Variants in SHC1 observed in about 807,000 individuals in gnomAD.
The protein encoded by SHC1 is SHC adaptor protein 1, also known as SHC-transforming protein 1.
In SHC1, 30 loss-of-function variants were observed where a neutral mutation model predicts 55.9. The observed-to-expected ratio is 0.54, with a 90% CI of 0.40 to 0.73. SHC1 has a LOEUF of 0.73. Ranked by LOEUF, SHC1 falls within the 30% of genes least tolerant of loss-of-function variation. The pLI is 0.00. For missense variants in SHC1, 675 were observed against 777.1 expected, an observed-to-expected ratio of 0.87 and a Z score of 1.56; for synonymous variants, 309 against 306.1, an observed-to-expected ratio of 1.01 and a Z score of -0.10.
upstream of SHC1, among the ~76,000 whole-genome samples, chr1:154,972,881 A>G (rs763322287): frequency 9.2e-5 from 14 of 151,988 alleles, no homozygotes; most frequent in Middle Eastern, 3.2e-3. Context: ...GGGGGAGGGG[A>G]AGAGACAGAG....
upstream of SHC1, among the ~76,000 whole-genome samples, chr1:154,972,871 G>A (rs552529351): frequency 6.6e-6 from 1 of 152,088 alleles, no homozygotes; most frequent in South Asian, 2.1e-4. Flanking sequence ...ACTCTGGTTA[G>A]GGGGAGGGGA....
chr1:154,969,629 G>T (rs1048577172), intron 1 of SHC1, among the ~76,000 whole-genome samples, 181 bp from the exon 2 acceptor site: 10 of 152,224 alleles, frequency 6.6e-5, no homozygotes, highest in Admixed American at 2.0e-4. Flanking sequence ...AGGAGAAAAA[G>T]AAAAGGCAGG....
intron 11 of SHC1, chr1:154,964,356 C>G (rs550644251): frequency 9.0e-6 from 4 of 444,152 alleles, no homozygotes; most frequent in Non-Finnish European, 1.4e-5. Flanking sequence ...GGCAACATGG[C>G]GAAACCCCAT....
chr1:154,971,280 A>T (rs1302757951), upstream of SHC1, among the ~76,000 whole-genome samples: 1 of 152,156 alleles, frequency 6.6e-6, no homozygotes, highest in Non-Finnish European at 1.5e-5. Context: ...ATCCTCTGCT[A>T]CAGCAGCTGT....
upstream of SHC1, among the ~76,000 whole-genome samples, chr1:154,973,020 C>T (rs568878531): frequency 6.6e-6 from 1 of 152,160 alleles, no homozygotes; most frequent in Admixed American, 6.5e-5. Context: ...CACCCACATG[C>T]CACACACCAA....
chr1:154,963,801 G>A lies in SHC1; in HGVS notation c.*2C>T, dbSNP rs1365111287. ...TCTTCTGGAAGAGAGCGCTAGGGCA[G>A]ATCACAGTTTCCGCTCCACAGGTTG... On this transcript the variant is annotated 3_prime_UTR_variant, in exon 12 of 12. Coordinates refer to ENST00000448116, the MANE Select transcript of SHC1 (RefSeq NM_001130040.2). 2 of 1,613,710 alleles carry A rather than the reference G, an allele frequency of 1.2e-6. No individual in the cohort carries two copies. The highest frequency in any genetic ancestry group is 1.7e-6 in the Non-Finnish European group (2 of 1,180,006).
Position 154,965,531 on chromosome 1 carries a change from T to C in SHC1, c.1626+12A>G. 6.2e-7 allele frequency: 1 copy of C among 1,614,152 alleles called. No homozygotes were observed. The highest frequency in any genetic ancestry group is 8.5e-7 in the Non-Finnish European group (1 of 1,180,016). On this transcript the variant is annotated intron_variant, in intron 11 of 11. Coordinates refer to ENST00000448116, the MANE Select transcript of SHC1 (RefSeq NM_001130040.2). The stretch of plus-strand genomic sequence containing the variant: ...TTTTGCCACCCCTCACCCACACCTC[T>C]GCCACACTCACCACACCCTCAGGGT...
Position 154,970,049 on chromosome 1 carries a change from C to T in SHC1, c.478G>A (p.Val160Ile). 1 of 1,613,970 alleles carries T rather than the reference C, an allele frequency of 6.2e-7. No homozygotes were observed. Among genetic ancestry groups the T allele is most frequent in the Non-Finnish European group, 8.5e-7 (1 of 1,179,978 alleles). ...TCACTCACCCGAACCAAGTAGGAAA[C>T]CCCGGGTCCCATGACTTTGTCGTTG... ...HPNDKVMGPG[V>I]SYLVRYMGCV... The change falls in exon 1 of 12, where the codon GTT becomes ATT. Residue 160 changes from valine to isoleucine, a missense_variant. Val to Ile is a conservative substitution (Grantham distance 29). Around this residue, in one of 3 missense-constraint regions of SHC1, gnomAD observed 159 missense variants for 246.9 expected, o/e 0.64. Transcript: ENST00000448116. The surrounding 1 kb of genome is among the most constrained non-coding windows in gnomAD (Gnocchi z 5.5).
At chr1:154,968,978 G>A (rs1325092345) in intron 2 of SHC1, 144 bp from the exon 3 acceptor site, 15 of 733,916 alleles carry the variant, frequency 2.0e-5, no homozygotes, top group Non-Finnish European at 4.8e-6. Context: ...TGAATTAAGG[G>A]CCTTTAATAT....
intron 11 of SHC1, among the ~76,000 whole-genome samples, chr1:154,965,075 C>T (rs77600148): frequency 6.6e-6 from 1 of 152,120 alleles, no homozygotes; most frequent in Non-Finnish European, 1.5e-5. Flanking sequence ...CTCACTCTGT[C>T]ACCCAGGCTG....
chr1:154,970,133 C>T lies in SHC1; in HGVS notation c.394G>A (p.Glu132Lys), dbSNP rs1413521871. The change falls in exon 1 of 12, where the codon GAG (glutamate) becomes AAG (lysine). Residue 132 changes from glutamate (E) to lysine (K), a missense_variant. By Grantham distance (56) the Glu-to-Lys change is moderately conservative. Around this residue, in one of 3 missense-constraint regions of SHC1, gnomAD observed 159 missense variants for 246.9 expected, o/e 0.64. Transcript: ENST00000448116. This position sits in a 1 kb window ranked among gnomAD's most constrained non-coding sequence, Gnocchi z 5.5. ...TRVEGGQLGG[E>K]EWTRHGSFVN... Reference sequence around the variant, plus strand: ...AAGCTCCCGTGGCGGGTCCACTCCTCGCCCCCAAGCTGGCCCCCTTCCACC... The same window carrying T: ...AAGCTCCCGTGGCGGGTCCACTCCTTGCCCCCAAGCTGGCCCCCTTCCACC... 6.2e-7 allele frequency: 1 copy of T among 1,613,234 alleles called. No individual in the cohort carries two copies. The highest frequency in any genetic ancestry group is 8.5e-7 in the Non-Finnish European group (1 of 1,179,906).
chr1:154,968,749 T>C (rs757547523), intron 3 of SHC1, 22 bp downstream of exon 3: 6 of 1,611,598 alleles, frequency 3.7e-6, no homozygotes, highest in African/African-American at 1.3e-5. Flanking sequence ...GCAGCATCCC[T>C]ATCCCCAAGG....
chr1:154,965,854 G>C, intron 10 of SHC1, 73 bp from the exon 11 acceptor site: 1 of 1,567,962 alleles, frequency 6.4e-7, no homozygotes, highest in Non-Finnish European at 8.7e-7. Context: ...TTCAGGGAAG[G>C]GAAGTCAGGA....
At chr1:154,971,318 G>A (rs1656728748), upstream of SHC1, among the ~76,000 whole-genome samples, 1 of 152,194 alleles carries the variant, frequency 6.6e-6, no homozygotes, top group African/African-American at 2.4e-5. Context: ...GTGGGGATGG[G>A]AAGTAAGTGG....
chr1:154,965,861 A>G, intron 10 of SHC1, 80 bp from the exon 11 acceptor site: 10 of 1,570,830 alleles, frequency 6.4e-6, no homozygotes, highest in Admixed American at 1.7e-5. Context: ...AAGGGAAGTC[A>G]GGAAGGAAAG....
In SHC1 at chr1:154,967,801, A is replaced by G. The variant is rs1656196732; in HGVS notation, c.857-4T>C. On this transcript the variant is annotated splice_region_variant and splice_polypyrimidine_tract_variant and intron_variant, in intron 6 of 11. Coordinates refer to ENST00000448116, the MANE Select transcript of SHC1 (RefSeq NM_001130040.2). ...GGACACTCCAGAATGTGGCAGGCTGAGGGCACAGCAGAGGCTGTCAGTGAG... is the reference window on the plus strand; with the variant it reads ...GGACACTCCAGAATGTGGCAGGCTGGGGGCACAGCAGAGGCTGTCAGTGAG... The G allele has an allele frequency of 6.2e-7, 1 of 1,613,776 alleles. No individual in the cohort carries two copies. The highest frequency in any genetic ancestry group is 1.3e-5 in the African/African-American group (1 of 74,904).
chr1:154,968,401 T>A (rs1558057963), intron 4 of SHC1, 94 bp downstream of exon 4: 5 of 1,573,076 alleles, frequency 3.2e-6, no homozygotes, highest in Non-Finnish European at 4.4e-6. Context: ...GGTCTCCTGC[T>A]CTCAAGCCCT....
rs1655967012 is a variant in SHC1, at chr1:154,966,324, T to C, written c.1177A>G (p.Thr393Ala). The C allele has an allele frequency of 1.2e-6, 2 of 1,613,824 alleles. No homozygotes were observed. The highest frequency in any genetic ancestry group is 8.5e-7 in the Non-Finnish European group (1 of 1,179,738). Residue 393 changes from threonine (T) to alanine (A), a missense_variant, in exon 8 of 12, where the codon ACA becomes GCA. By Grantham distance (58) the Thr-to-Ala change is moderately conservative (BLOSUM62 0). Around this residue, in one of 3 missense-constraint regions of SHC1, gnomAD observed 360 missense variants for 371.1 expected, o/e 0.97. Transcript: ENST00000448116. ...CCTCCATCCAAGCAACTTACCAATGTAGCTCCCAAGTGGCTGGGGGTCTGG... is the reference window on the plus strand; with the variant it reads ...CCTCCATCCAAGCAACTTACCAATGCAGCTCCCAAGTGGCTGGGGGTCTGG... ...NAQTPSHLGATLPVGQPVGGD... is the reference protein window; with the variant it reads ...NAQTPSHLGAALPVGQPVGGD...
upstream of SHC1, among the ~76,000 whole-genome samples, chr1:154,971,867 A>G (rs956872329): frequency 2.0e-5 from 3 of 152,034 alleles, no homozygotes; most frequent in Non-Finnish European, 4.4e-5. Flanking sequence ...TCCCAAACCC[A>G]TTCCTGCCAC....
Sources: gnomAD v4.1 joint callset for allele counts (sites outside exome capture counted in the v4.1 genomes callset) on GRCh38, gnomAD v4.1.1 for gene constraint, gnomAD v4.1.1 regional missense constraint, Gnocchi (gnomAD v3.1) non-coding constraint, MANE v1.5 for transcripts, NCBI Gene and HGNC (gene_info 2026-07-23, HGNC 2026-07-21) for gene names.